STK32B: variants seen among roughly 807,000 people sequenced by gnomAD.
The protein encoded by STK32B is serine/threonine-protein kinase 32B.
In STK32B, 43 loss-of-function variants were observed where a neutral mutation model predicts 52.6. The ratio of observed to expected loss-of-function variants is 0.82; its 90% CI spans 0.64 to 1.05. The LOEUF (loss-of-function observed/expected upper bound fraction) is 1.05. STK32B is among the 50% of genes least tolerant of loss of function. The probability of loss-of-function intolerance (pLI) is 0.00; values close to 1 mark genes in which losing one functional copy is unlikely to be tolerated. For synonymous variants in STK32B, 238 were observed against 204.3 expected, an observed-to-expected ratio of 1.17 and a Z score of -1.41; for missense variants, 621 against 534.6, an observed-to-expected ratio of 1.16 and a Z score of -1.59.
At position 5,297,123 on chromosome 4, in the gene STK32B, G is replaced by C. The variant is rs10213475; in HGVS notation, c.261-34097G>C. On this transcript the variant is annotated intron_variant, in intron 3 of 11. Transcript: ENST00000282908. ...TATTGGCCCCACTCTCGTCTGTCTT[G>C]TAGGGTTTCCGCAGAGATATCCGCT... Among the ~76,000 whole-genome samples the C allele has an allele frequency of 3.9e-5, 6 of 152,272 alleles. No homozygotes were observed. The South Asian group carries it at 1.2e-3, about 32-fold the overall frequency.
Position 5,100,650 on chromosome 4 carries a change from CTTTCTCTT to C in STK32B, c.53-39253_53-39246del, listed in dbSNP as rs1713702623. On this transcript the variant is annotated intron_variant, in intron 1 of 11. Transcript: ENST00000282908. ...TTTCTTTCTCTTTCTTTCTTTCTCT[CTTTCTCTT>C]TCATTCTTTCTTTCTTTCCTTTCTT... 2.5e-5 allele frequency among the ~76,000 whole-genome samples: 3 copies of C among 120,266 alleles called. No homozygotes were observed. In the East Asian group the frequency reaches 8.2e-4, roughly 33 times the overall value. 78.9% of individuals were successfully genotyped at this position (120,266 alleles called of 152,430 possible).
chr4:5,057,930 T>C lies in STK32B; in HGVS notation c.52+6015T>C, dbSNP rs577402525. On this transcript the variant is annotated intron_variant, in intron 1 of 11. Coordinates refer to ENST00000282908, the MANE Select transcript of STK32B (RefSeq NM_018401.3). ...ATAGTTTAGGATACCAGAGGAGAAT[T>C]TCTAGTTCAGAAAGACCTGAATTAC... Among the ~76,000 whole-genome samples, 13 of 152,212 alleles carry C rather than the reference T, an allele frequency of 8.5e-5. No homozygotes were observed. In the South Asian group the frequency reaches 2.5e-3, roughly 29 times the overall value.
the STK32B span, among the ~76,000 whole-genome samples, chr4:5,035,130 A>G: frequency 2.0e-5 from 3 of 152,172 alleles, no homozygotes; most frequent in Non-Finnish European, 4.4e-5. Flanking sequence ...CTTACCAGCA[A>G]CAGAACTTCA....
chr4:5,192,977 GC>G (rs1416965592), intron 3 of STK32B, among the ~76,000 whole-genome samples: 1 of 152,122 alleles, frequency 6.6e-6, no homozygotes, highest in Non-Finnish European at 1.5e-5. Context: ...CCTTCGGATC[GC>G]CTCTTCTTCC....
chr4:5,168,479 T>TG (rs1577133311), intron 3 of STK32B, 29 bp downstream of exon 3: 2 of 1,595,914 alleles, frequency 1.3e-6, no homozygotes, highest in East Asian at 4.5e-5. Flanking sequence ...AGGGCTCCTG[T>TG]GGGTTCCCCT....
At position 5,381,946 on chromosome 4, in the gene STK32B, A is replaced by G. The variant is rs556960788; in HGVS notation, c.435-16261A>G. ...TTGGCTTATGCGATCATGGAGGTAT[A>G]AGTTCAAAATCTGCAGACAGGCCAG... On this transcript the variant is annotated intron_variant, in intron 4 of 11. Transcript: ENST00000282908. Among the ~76,000 whole-genome samples the G allele has an allele frequency of 1.8e-3, 268 of 152,306 alleles. 2 individuals carry two copies. The Middle Eastern group carries it at 0.02, about 12-fold the overall frequency.
At chr4:5,020,170 T>C in the STK32B span, among the ~76,000 whole-genome samples, 1 of 152,160 alleles carries the variant, frequency 6.6e-6, no homozygotes. Flanking sequence ...CAGGAAGGGT[T>C]AGTTTTCAAG....
intron 3 of STK32B, among the ~76,000 whole-genome samples, chr4:5,305,549 C>T (rs1023111305): frequency 5.3e-5 from 8 of 151,830 alleles, no homozygotes; most frequent in African/African-American, 1.9e-4. Flanking sequence ...AGTTGTAATA[C>T]CTCCCATTTC....
intron 11 of STK32B, among the ~76,000 whole-genome samples, chr4:5,471,749 G>T (rs966552053): frequency 1.3e-5 from 2 of 152,096 alleles, no homozygotes; most frequent in Non-Finnish European, 2.9e-5. Flanking sequence ...AGGAGACCAG[G>T]GTGTCTAAGT....
chr4:5,231,128 C>G (rs915011702), intron 3 of STK32B, among the ~76,000 whole-genome samples: 13 of 152,148 alleles, frequency 8.5e-5, no homozygotes, highest in Non-Finnish European at 1.8e-4. Flanking sequence ...ACATCACTCT[C>G]ACAAGGATTT....
chr4:5,320,379 A>G (rs76762106), intron 3 of STK32B, among the ~76,000 whole-genome samples: 1,590 of 152,298 alleles, frequency 0.01, 21 homozygotes, highest in African/African-American at 0.037. Context: ...CATGGACTGT[A>G]TTAGGTTGAA....
At chr4:5,289,451 CT>C (rs545546225) in intron 3 of STK32B, among the ~76,000 whole-genome samples, 19 of 151,170 alleles carry the variant, frequency 1.3e-4, no homozygotes, top group Admixed American at 1.1e-3. Flanking sequence ...TTATTTTATT[CT>C]TTTTTTTTGA....
chr4:5,065,087 G>T (rs1434439053), intron 1 of STK32B, among the ~76,000 whole-genome samples: 1 of 151,828 alleles, frequency 6.6e-6, no homozygotes, highest in East Asian at 1.9e-4. Flanking sequence ...CTCTTACTTA[G>T]CTTTTTGTAC....
chr4:5,312,304 A>AT (rs1730347692), intron 3 of STK32B, among the ~76,000 whole-genome samples: 1 of 149,538 alleles, frequency 6.7e-6, no homozygotes, highest in African/African-American at 2.5e-5. Context: ...TTTTGTTATT[A>AT]TACTTTAAGT....
At chr4:5,072,528 C>T (rs1711844855) in intron 1 of STK32B, among the ~76,000 whole-genome samples, 1 of 152,158 alleles carries the variant, frequency 6.6e-6, no homozygotes. Context: ...ATCATTTCAA[C>T]ACCAAGACAC....
At chr4:5,257,365 AAGTGAATG>A (rs1350461550) in intron 3 of STK32B, among the ~76,000 whole-genome samples, 4 of 151,798 alleles carry the variant, frequency 2.6e-5, no homozygotes, top group South Asian at 2.1e-4. Context: ...GTGAATGAGT[AAGTGAATG>A]AGTGAATGAG....
chr4:5,160,619 G>A (rs919529615), intron 2 of STK32B, among the ~76,000 whole-genome samples: 5 of 152,130 alleles, frequency 3.3e-5, no homozygotes, highest in East Asian at 1.9e-4. Flanking sequence ...CACCTCTCCC[G>A]TGTGTTTTCT....
At chr4:5,348,864 C>G (rs978781119) in intron 4 of STK32B, among the ~76,000 whole-genome samples, 2 of 152,148 alleles carry the variant, frequency 1.3e-5, no homozygotes, top group Non-Finnish European at 2.9e-5. Flanking sequence ...ATCATCCAAC[C>G]CAGTCCACCA....
At chr4:5,303,621 C>A (rs925289208) in intron 3 of STK32B, among the ~76,000 whole-genome samples, 1 of 152,088 alleles carries the variant, frequency 6.6e-6, no homozygotes, top group Non-Finnish European at 1.5e-5. Flanking sequence ...GATTTTCTGT[C>A]ACTCTATGGG....
Sources: gnomAD v4.1 joint callset for allele counts (sites outside exome capture counted in the v4.1 genomes callset) on GRCh38, gnomAD v4.1.1 for gene constraint, MANE v1.5 for transcripts, NCBI Gene and HGNC (gene_info 2026-07-23, HGNC 2026-07-21) for gene names.